Variants in LOC400499 observed in about 807,000 individuals in gnomAD.
At chr16:11,381,182 C>T in the LOC400499 span, 1 of 152,036 alleles carries the variant, frequency 6.6e-6, no homozygotes, top group African/African-American at 2.4e-5. Context: ...GTGTGTGGCA[C>T]TACCTTGTTT....
chr16:11,469,575 G>C, the LOC400499 span: 1 of 399,050 alleles, frequency 2.5e-6, no homozygotes, highest in South Asian at 1.3e-4. Flanking sequence ...GCAAGCTGTA[G>C]CTCATGTCCA....
chr16:11,384,311 G>A, the LOC400499 span: 1,237 of 1,231,636 alleles, frequency 1.0e-3, 8 homozygotes, highest in Middle Eastern at 0.012. Context: ...GTGCCCAGAA[G>A]GCCAGCGGAT....
chr16:11,422,072 AC>A, the LOC400499 span, among the ~76,000 whole-genome samples: 2 of 152,156 alleles, frequency 1.3e-5, no homozygotes, highest in East Asian at 3.9e-4. Context: ...CGAGTTTGCA[AC>A]CCCTGTACCC....
the LOC400499 span, among the ~76,000 whole-genome samples, chr16:11,448,622 T>C: frequency 1.3e-5 from 2 of 152,078 alleles, no homozygotes; most frequent in Admixed American, 6.6e-5. Flanking sequence ...AACTACTTAG[T>C]AGGCTGAGCG....
chr16:11,397,430 T>C, the LOC400499 span, among the ~76,000 whole-genome samples: 1 of 152,100 alleles, frequency 6.6e-6, no homozygotes, highest in South Asian at 2.1e-4. Flanking sequence ...CGTGCCACCG[T>C]GCCCAGCTCA....
chr16:11,455,638 G>C, the LOC400499 span, among the ~76,000 whole-genome samples: 1 of 151,832 alleles, frequency 6.6e-6, no homozygotes, highest in African/African-American at 2.4e-5. Context: ...GGGAGGCTGA[G>C]GCACGAGAAG....
chr16:11,409,747 T>G, the LOC400499 span, among the ~76,000 whole-genome samples: 2 of 152,192 alleles, frequency 1.3e-5, no homozygotes, highest in African/African-American at 4.8e-5. Flanking sequence ...CCGTGTTAAA[T>G]CAGAAAATAT....
chr16:11,459,478 G>A, the LOC400499 span, among the ~76,000 whole-genome samples: 2 of 152,106 alleles, frequency 1.3e-5, no homozygotes, highest in Admixed American at 6.5e-5. Flanking sequence ...TTACAGGCAT[G>A]AGCCACTGCG....
At chr16:11,494,655 C>T in the LOC400499 span, 1 of 399,482 alleles carries the variant, frequency 2.5e-6, no homozygotes, top group Non-Finnish European at 4.4e-6. Context: ...GAGCCGACTC[C>T]AGGCAGCTGG....
the LOC400499 span, among the ~76,000 whole-genome samples, chr16:11,489,420 G>T: frequency 6.6e-6 from 1 of 152,174 alleles, no homozygotes; most frequent in Non-Finnish European, 1.5e-5. Context: ...GCACATTTCA[G>T]CATCAACAAA....
the LOC400499 span, chr16:11,523,688 G>T: frequency 2.7e-5 from 10 of 371,872 alleles, no homozygotes; most frequent in Non-Finnish European, 4.8e-5. Context: ...TTCATCTTGG[G>T]TACTGGCACC....
the LOC400499 span, among the ~76,000 whole-genome samples, chr16:11,468,037 A>G: frequency 6.6e-6 from 1 of 152,134 alleles, no homozygotes; most frequent in African/African-American, 2.4e-5. Flanking sequence ...GGGCTTCTAG[A>G]ATCCAGGAGC....
At chr16:11,505,469 T>C in the LOC400499 span, among the ~76,000 whole-genome samples, 12 of 110,772 alleles carry the variant, frequency 1.1e-4, no homozygotes, top group Non-Finnish European at 1.0e-4. Context: ...TTTTTTTTTT[T>C]TTGGAGAAGA....
chr16:11,426,952 A>AAT, the LOC400499 span, among the ~76,000 whole-genome samples: 1 of 151,876 alleles, frequency 6.6e-6, no homozygotes, highest in Admixed American at 6.6e-5. Context: ...CCTATTCTAG[A>AAT]ATATATAAAG....
At chr16:11,423,878 G>T in the LOC400499 span, among the ~76,000 whole-genome samples, 1 of 152,170 alleles carries the variant, frequency 6.6e-6, no homozygotes, top group Admixed American at 6.5e-5. Flanking sequence ...CAGCTGGGAG[G>T]GCAGGGTACC....
the LOC400499 span, among the ~76,000 whole-genome samples, chr16:11,500,466 G>A: frequency 6.6e-6 from 1 of 151,718 alleles, no homozygotes; most frequent in Admixed American, 6.6e-5. Flanking sequence ...AGCTGAGATC[G>A]CACTGCTGCA....
chr16:11,435,961 C>T, the LOC400499 span: 2 of 398,224 alleles, frequency 5.0e-6, no homozygotes, highest in African/African-American at 4.1e-5. Context: ...CCATGAAGCC[C>T]TCCTGAGCCA....
the LOC400499 span, chr16:11,385,465 A>T: frequency 8.4e-7 from 1 of 1,188,264 alleles, no homozygotes; most frequent in Non-Finnish European, 1.1e-6. Flanking sequence ...AGCTCCACCC[A>T]CCGCAGTAGG....
chr16:11,470,072 TTTG>T, the LOC400499 span, among the ~76,000 whole-genome samples: 7 of 152,264 alleles, frequency 4.6e-5, no homozygotes, highest in East Asian at 3.9e-4. Flanking sequence ...CCAGTTTTTT[TTTG>T]TTGTTGTTGT....
Sources: gnomAD v4.1 joint callset for allele counts (sites outside exome capture counted in the v4.1 genomes callset) on GRCh38, gnomAD v4.1.1 for gene constraint, MANE v1.5 for transcripts.